The following GPHN variants were observed in gnomAD, a reference collection of about 807,000 sequenced individuals.
The protein encoded by GPHN is gephyrin.
In GPHN, 17 loss-of-function variants were observed where a neutral mutation model predicts 95.5. The observed-to-expected ratio is 0.18, with a 90% CI of 0.12 to 0.27. The LOEUF is 0.27. GPHN is among the 10% of genes least tolerant of loss of function. GPHN has a pLI of 1.00. For synonymous variants in GPHN, 320 were observed against 322.5 expected (o/e 0.99, Z 0.08); for missense variants, 660 against 978.1 (o/e 0.67, Z 4.34).
chr14:67,274,457 C>T, the GPHN span, among the ~76,000 whole-genome samples: 791 of 152,138 alleles, frequency 5.2e-3, 26 homozygotes, highest in Admixed American at 0.046. Flanking sequence ...TTTCTGAGGG[C>T]TCTGTTCTGT....
chr14:67,694,461 C>T, the GPHN span, among the ~76,000 whole-genome samples: 1 of 142,970 alleles, frequency 7.0e-6, no homozygotes, highest in Non-Finnish European at 1.5e-5. Context: ...TACACACACA[C>T]ACACATATAT....
chr14:66,790,035 A>G (rs958885912), intron 3 of GPHN, among the ~76,000 whole-genome samples: 2 of 152,210 alleles, frequency 1.3e-5, no homozygotes, highest in Non-Finnish European at 2.9e-5. Context: ...TTTCATGAGG[A>G]AAACAGAAGT....
At chr14:67,091,874 G>T (rs2077162901) in intron 12 of GPHN, among the ~76,000 whole-genome samples, 1 of 150,780 alleles carries the variant, frequency 6.6e-6, no homozygotes. Context: ...AATCTAAAAT[G>T]GTATCTCACA....
At chr14:67,332,682 T>C in the GPHN span, 1 of 1,145,262 alleles carries the variant, frequency 8.7e-7, no homozygotes, top group Non-Finnish European at 1.2e-6. Flanking sequence ...GAAGGAAAGC[T>C]ATGAAGGTCG....
the GPHN span, among the ~76,000 whole-genome samples, chr14:67,368,860 ATAAG>A: frequency 5.3e-5 from 8 of 152,110 alleles, no homozygotes; most frequent in African/African-American, 1.9e-4. Flanking sequence ...ATCTCTAGAA[ATAAG>A]TAAGTAAAAT....
intron 2 of GPHN, among the ~76,000 whole-genome samples, chr14:66,727,654 G>C (rs1017474466): frequency 1.3e-5 from 2 of 152,196 alleles, no homozygotes; most frequent in Admixed American, 1.3e-4. Context: ...CTTTGAACTT[G>C]AGAAAGATGA....
At chr14:66,683,672 T>G (rs953727145) in intron 2 of GPHN, among the ~76,000 whole-genome samples, 17 of 150,098 alleles carry the variant, frequency 1.1e-4, no homozygotes, top group Non-Finnish European at 2.4e-4. Context: ...GAAATTTTTT[T>G]TGTGTTTTTA....
At chr14:67,176,704 C>T (rs1362207710) in intron 21 of GPHN, among the ~76,000 whole-genome samples, 1 of 152,148 alleles carries the variant, frequency 6.6e-6, no homozygotes, top group African/African-American at 2.4e-5. Flanking sequence ...TCCTTCTGGT[C>T]CTGGACTTTT....
chr14:67,319,037 G>A, the GPHN span, among the ~76,000 whole-genome samples: 9 of 149,378 alleles, frequency 6.0e-5, no homozygotes, highest in Admixed American at 2.7e-4. Flanking sequence ...CAGCCTGGGC[G>A]ACAGAGCGAG....
At chr14:66,610,950 G>T (rs1414281292) in intron 1 of GPHN, among the ~76,000 whole-genome samples, 1 of 152,028 alleles carries the variant, frequency 6.6e-6, no homozygotes, top group Non-Finnish European at 1.5e-5. Context: ...AGATATCCAG[G>T]GTGATCAGTT....
At chr14:67,282,189 C>G in the GPHN span, among the ~76,000 whole-genome samples, 1 of 152,076 alleles carries the variant, frequency 6.6e-6, no homozygotes, top group Non-Finnish European at 1.5e-5. Flanking sequence ...AGTGTAATAG[C>G]TTTTTGCCAA....
intron 1 of GPHN, among the ~76,000 whole-genome samples, chr14:66,596,134 G>A (rs2061961944): frequency 6.6e-6 from 1 of 151,974 alleles, no homozygotes; most frequent in Non-Finnish European, 1.5e-5. Flanking sequence ...CCCTCAGTGG[G>A]TGGCTCTTTT....
At chr14:67,031,650 G>T (rs1026536208) in intron 10 of GPHN, among the ~76,000 whole-genome samples, 1 of 152,002 alleles carries the variant, frequency 6.6e-6, no homozygotes, top group African/African-American at 2.4e-5. Context: ...TCACTATGTT[G>T]CCCAGACTGG....
At chr14:67,149,417 TG>T (rs1282634075) in intron 18 of GPHN, among the ~76,000 whole-genome samples, 1 of 152,216 alleles carries the variant, frequency 6.6e-6, no homozygotes, top group Non-Finnish European at 1.5e-5. Flanking sequence ...ATGAACCAAA[TG>T]TTTTTTTAAT....
chr14:67,686,638 C>CA, the GPHN span, among the ~76,000 whole-genome samples: 34 of 80,170 alleles, frequency 4.2e-4, no homozygotes, highest in East Asian at 3.1e-3. Flanking sequence ...GACACCGGTG[C>CA]AAAAAAAAAA....
At chr14:66,596,364 C>G (rs967131516) in intron 1 of GPHN, among the ~76,000 whole-genome samples, 3 of 152,106 alleles carry the variant, frequency 2.0e-5, no homozygotes, top group Admixed American at 6.5e-5. Flanking sequence ...CAGGTACCTG[C>G]CCCTTTCCAT....
intron 2 of GPHN, among the ~76,000 whole-genome samples, chr14:66,745,736 TG>T (rs2058118086): frequency 6.6e-6 from 1 of 152,032 alleles, no homozygotes. Flanking sequence ...TTGAATTCCT[TG>T]ACAGTTTACT....
At position 66,665,052 on chromosome 14, in the gene GPHN, G is replaced by A. The variant is rs61582116; in HGVS notation, c.65-16055G>A. On this transcript the variant is annotated intron_variant, in intron 1 of 22. Coordinates refer to ENST00000478722, the MANE Select transcript of GPHN (RefSeq NM_020806.5). Reference sequence around the variant, plus strand: ...GCTTCACAGCTGAATTCTACCAAATGTACAAAGAAGAGCTGGTACCATTCC... The same window carrying A: ...GCTTCACAGCTGAATTCTACCAAATATACAAAGAAGAGCTGGTACCATTCC... Among the ~76,000 whole-genome samples the A allele has an allele frequency of 3.3e-3, 483 of 144,812 alleles. 2 individuals are homozygous for A. Among genetic ancestry groups the A allele is most frequent in the Non-Finnish European group, 5.4e-3 (361 of 66,738 alleles).
chr14:67,004,032 A>C (rs995281381), intron 9 of GPHN, among the ~76,000 whole-genome samples: 1 of 151,680 alleles, frequency 6.6e-6, no homozygotes, highest in African/African-American at 2.4e-5. Context: ...CTAGACCTTT[A>C]TGTTCCTCAG....
Sources: gnomAD v4.1 joint callset for allele counts (sites outside exome capture counted in the v4.1 genomes callset) on GRCh38, gnomAD v4.1.1 for gene constraint, MANE v1.5 for transcripts, NCBI Gene and HGNC (gene_info 2026-07-23, HGNC 2026-07-21) for gene names.